The following CRTAC1 variants were observed in gnomAD, a reference collection of about 807,000 sequenced individuals.
The protein encoded by CRTAC1 is cartilage acidic protein 1.
Under a neutral mutation model 67.8 loss-of-function variants are expected in CRTAC1, and 37 were observed. The observed-to-expected ratio is 0.55, with a 90% CI of 0.42 to 0.72. The LOEUF is 0.72. Among genes scored for constraint, CRTAC1 ranks in the 30% least tolerant of loss-of-function variants. The pLI is 0.00. For synonymous variants in CRTAC1, 348 were observed against 371.0 expected, an observed-to-expected ratio of 0.94 and a Z score of 0.71; for missense variants, 780 against 931.6, an observed-to-expected ratio of 0.84 and a Z score of 2.12.
intron 2 of CRTAC1, among the ~76,000 whole-genome samples, chr10:97,966,008 G>T (rs2051609538): frequency 6.6e-6 from 1 of 152,226 alleles, no homozygotes; most frequent in Non-Finnish European, 1.5e-5. Context: ...CATAAGGCTG[G>T]CCTGTTCTAG....
intron 2 of CRTAC1, among the ~76,000 whole-genome samples, chr10:98,002,972 A>T (rs1279491231): frequency 6.7e-6 from 1 of 148,890 alleles, no homozygotes; most frequent in Non-Finnish European, 1.5e-5. Context: ...TTTAGTAGAG[A>T]CGGGGTTTCA....
intron 2 of CRTAC1, among the ~76,000 whole-genome samples, chr10:97,959,392 C>A (rs1295702205): frequency 2.0e-5 from 3 of 152,318 alleles, no homozygotes; most frequent in African/African-American, 7.2e-5. Context: ...GTGGCACATG[C>A]ACCTGAATGT....
intron 1 of CRTAC1, among the ~76,000 whole-genome samples, chr10:98,028,762 G>A (rs1843293242): frequency 6.6e-6 from 1 of 152,186 alleles, no homozygotes; most frequent in Admixed American, 6.5e-5. Flanking sequence ...GACAACGATG[G>A]AGCTGGGGGT....
chr10:97,897,428 G>A (rs2050477004), intron 8 of CRTAC1, among the ~76,000 whole-genome samples: 1 of 152,078 alleles, frequency 6.6e-6, no homozygotes, highest in African/African-American at 2.4e-5. Flanking sequence ...TTTCTTCATG[G>A]GCTTTATTAC....
At chr10:97,939,882 G>A (rs1039657878) in intron 2 of CRTAC1, among the ~76,000 whole-genome samples, 5 of 152,088 alleles carry the variant, frequency 3.3e-5, no homozygotes, top group African/African-American at 9.7e-5. Flanking sequence ...TTTGCACCTC[G>A]CTTATTCCTG....
intron 2 of CRTAC1, among the ~76,000 whole-genome samples, chr10:97,988,777 C>T (rs997744612): frequency 6.6e-6 from 1 of 152,168 alleles, no homozygotes; most frequent in Non-Finnish European, 1.5e-5. Flanking sequence ...TGAGTACTTT[C>T]CACATGTCAG....
At chr10:97,880,713 A>G (rs987536845) in intron 13 of CRTAC1, among the ~76,000 whole-genome samples, 1 of 152,096 alleles carries the variant, frequency 6.6e-6, no homozygotes, top group African/African-American at 2.4e-5. Context: ...TCACGAATAC[A>G]ATAACCCATG....
intron 2 of CRTAC1, among the ~76,000 whole-genome samples, chr10:97,970,882 A>G (rs765050425): frequency 2.0e-4 from 31 of 152,234 alleles, no homozygotes; most frequent in Non-Finnish European, 3.4e-4. Context: ...ACAAGTGCCT[A>G]TAGAGTAATA....
intron 14 of CRTAC1, chr10:97,879,520 G>T: frequency 1.3e-6 from 1 of 798,600 alleles, no homozygotes; most frequent in Non-Finnish European, 1.9e-6. Flanking sequence ...TGTCAGTATC[G>T]CCCAACCTTC....
chr10:97,901,738 C>T (rs1220119248), intron 7 of CRTAC1, 99 bp from the exon 8 acceptor site: 2 of 1,447,616 alleles, frequency 1.4e-6, no homozygotes, highest in African/African-American at 1.4e-5. Context: ...AAATAAGAGA[C>T]AGTCCAACCC....
chr10:97,999,868 C>G (rs934091497), intron 2 of CRTAC1, among the ~76,000 whole-genome samples: 4 of 152,186 alleles, frequency 2.6e-5, no homozygotes, highest in Non-Finnish European at 5.9e-5. Context: ...TCCAGGGCCC[C>G]CTCACTGCTG....
chr10:97,970,457 G>A (rs1008276086), intron 2 of CRTAC1, among the ~76,000 whole-genome samples: 1 of 152,166 alleles, frequency 6.6e-6, no homozygotes, highest in Non-Finnish European at 1.5e-5. Flanking sequence ...CAGGGCCAGC[G>A]TGGTCTGCTG....
At chr10:97,934,454 C>G (rs1467215969) in intron 3 of CRTAC1, among the ~76,000 whole-genome samples, 1 of 152,044 alleles carries the variant, frequency 6.6e-6, no homozygotes, top group African/African-American at 2.4e-5. Flanking sequence ...AGGCTGGCTG[C>G]CAGCCAGACA....
chr10:97,913,255 T>C (rs2050714324), intron 5 of CRTAC1, among the ~76,000 whole-genome samples: 1 of 152,058 alleles, frequency 6.6e-6, no homozygotes, highest in African/African-American at 2.4e-5. Flanking sequence ...GTGTAGGTGC[T>C]GGTGTTGCCA....
At chr10:97,943,186 G>A (rs901271994) in intron 2 of CRTAC1, among the ~76,000 whole-genome samples, 1 of 152,092 alleles carries the variant, frequency 6.6e-6, no homozygotes, top group African/African-American at 2.4e-5. Context: ...GTGCAAGACC[G>A]AGACCAGAGA....
chr10:97,964,222 A>G (rs967179336), intron 2 of CRTAC1, among the ~76,000 whole-genome samples: 2 of 152,176 alleles, frequency 1.3e-5, no homozygotes, highest in Non-Finnish European at 2.9e-5. Context: ...CCCTAAGATG[A>G]GTATTTCCTG....
intron 2 of CRTAC1, among the ~76,000 whole-genome samples, chr10:98,002,927 C>G (rs538830141): frequency 6.6e-6 from 1 of 150,728 alleles, no homozygotes; most frequent in African/African-American, 2.4e-5. Flanking sequence ...TACAGGCGCC[C>G]GCCACCACAC....
intron 2 of CRTAC1, among the ~76,000 whole-genome samples, chr10:97,947,428 T>C (rs1341075666): frequency 6.6e-6 from 1 of 152,240 alleles, no homozygotes; most frequent in East Asian, 1.9e-4. Flanking sequence ...AAGAGACATA[T>C]GGGTCAGGCA....
At chr10:97,991,020 T>G (rs1223614861) in intron 2 of CRTAC1, among the ~76,000 whole-genome samples, 1 of 146,096 alleles carries the variant, frequency 6.8e-6, no homozygotes, top group African/African-American at 2.6e-5. Flanking sequence ...TCCCAGCACC[T>G]TGGGAGACTG....
Sources: allele counts gnomAD v4.1 joint callset (sites outside exome capture counted in the v4.1 genomes callset), GRCh38; gene constraint gnomAD v4.1.1; transcripts MANE v1.5; gene names NCBI Gene and HGNC (gene_info 2026-07-23, HGNC 2026-07-21).